Variants in FAM53A observed in about 807,000 individuals in gnomAD.
FAM53A encodes the protein family with sequence similarity 53 member A, also known as protein FAM53A.
Under a neutral mutation model 26.6 loss-of-function variants are expected in FAM53A, and 28 were observed. The ratio of observed to expected loss-of-function variants is 1.05; its 90% CI spans 0.78 to 1.45. The LOEUF is 1.45. Among genes scored for constraint, FAM53A ranks in the 40% most tolerant of loss-of-function variants. The pLI is 0.00. For synonymous variants in FAM53A, 290 were observed against 253.1 expected (o/e 1.15, Z -1.38); for missense variants, 650 against 575.8 (o/e 1.13, Z -1.32).
In FAM53A at chr4:1,652,234, GCA is replaced by G. The variant is rs1712897594; in HGVS notation, c.882+2742_882+2743del. Among the ~76,000 whole-genome samples, 4 of 75,628 alleles carry G rather than the reference GCA, an allele frequency of 5.3e-5. No homozygotes were observed. The South Asian group carries it at 1.4e-3, about 27-fold the overall frequency. 49.6% of individuals were successfully genotyped at this position (75,628 alleles called of 152,430 possible). ...GCCACACACACCACACACACTAGTC[GCA>G]CACACACCACACACACCACACGCCA... On this transcript the variant is annotated intron_variant, in intron 4 of 4. Transcript: ENST00000308132.
chr4:1,660,161 T>C (rs970721694), intron 2 of FAM53A, among the ~76,000 whole-genome samples: 1 of 152,048 alleles, frequency 6.6e-6, no homozygotes, highest in Non-Finnish European at 1.5e-5. Flanking sequence ...TGGGTGCCTG[T>C]AATCCCAGCT....
chr4:1,621,979 T>C (rs1715058228), intron 1 of FAM53A, among the ~76,000 whole-genome samples: 1 of 152,200 alleles, frequency 6.6e-6, no homozygotes, highest in African/African-American at 2.4e-5. Flanking sequence ...TCGATGCTGC[T>C]GTCTTGGGAA....
At chr4:1,670,208 A>C (rs1290179358) in intron 1 of FAM53A, among the ~76,000 whole-genome samples, 11 of 152,396 alleles carry the variant, frequency 7.2e-5, no homozygotes, top group East Asian at 1.9e-4. Context: ...ACTTCTGCCA[A>C]TGCTGGAAAG....
Position 1,630,457 on chromosome 4 carries a change from G to A in FAM53A, c.432-12346C>T, listed in dbSNP as rs1001438588. Among the ~76,000 whole-genome samples, 2 of 152,240 alleles carry A rather than the reference G, an allele frequency of 1.3e-5. No homozygotes were observed. Among genetic ancestry groups the A allele is most frequent in the Non-Finnish European group, 2.9e-5 (2 of 68,046 alleles). ...GTCTGTATGTGGCCAGTGGGCCGCG[G>A]TTTGCCGACCCCCAACTCATGGATC... On this transcript the variant is annotated intron_variant, in intron 1 of 1. Coordinates refer to the FAM53A transcript ENST00000489029. This position sits in a 1 kb window ranked among gnomAD's most constrained non-coding sequence, Gnocchi z 4.3.
chr4:1,598,297 T>C, the FAM53A span, among the ~76,000 whole-genome samples: 1 of 152,192 alleles, frequency 6.6e-6, no homozygotes, highest in Non-Finnish European at 1.5e-5. Flanking sequence ...CGCAGCTGCA[T>C]GGAGTGTGCG....
intron 1 of FAM53A, among the ~76,000 whole-genome samples, chr4:1,621,101 C>CTTTTGTTTTT (rs1715010662): frequency 1.0e-5 from 1 of 95,488 alleles, no homozygotes; most frequent in Non-Finnish European, 2.0e-5. Context: ...AGCTACGCTA[C>CTTTTGTTTTT]TTTTTTTTTT....
intron 1 of FAM53A, among the ~76,000 whole-genome samples, chr4:1,622,971 A>G (rs938319855): frequency 6.6e-6 from 1 of 152,250 alleles, no homozygotes; most frequent in Non-Finnish European, 1.5e-5. Context: ...CCTAAACCAC[A>G]GATGGAGGCA....
chr4:1,599,567 A>T, the FAM53A span, among the ~76,000 whole-genome samples: 1 of 152,154 alleles, frequency 6.6e-6, no homozygotes, highest in South Asian at 2.1e-4. This position sits in a 1 kb window ranked among gnomAD's most constrained non-coding sequence, Gnocchi z 6.1. Context: ...CAAATAGCAC[A>T]ATTTTCAAGG....
At chr4:1,656,371 G>A (rs1295574600) in intron 3 of FAM53A, among the ~76,000 whole-genome samples, 1 of 152,106 alleles carries the variant, frequency 6.6e-6, no homozygotes, top group East Asian at 1.9e-4. Context: ...CAGGTGCATG[G>A]GCCTGGCATG....
intron 2 of FAM53A, among the ~76,000 whole-genome samples, chr4:1,668,324 G>C (rs1230466081): frequency 6.6e-6 from 1 of 152,156 alleles, no homozygotes; most frequent in Non-Finnish European, 1.5e-5. Context: ...ATTTTTAGTA[G>C]AGACGGGGTT....
At chr4:1,637,174 G>A (rs1174116607), downstream of FAM53A, among the ~76,000 whole-genome samples, 7 of 151,844 alleles carry the variant, frequency 4.6e-5, no homozygotes, top group Admixed American at 4.6e-4. Flanking sequence ...CCATGCCTCC[G>A]GCACCCATGC....
At chr4:1,605,423 C>T in the FAM53A span, among the ~76,000 whole-genome samples, 1 of 152,172 alleles carries the variant, frequency 6.6e-6, no homozygotes, top group Non-Finnish European at 1.5e-5. The surrounding 1 kb of genome is among the most constrained non-coding windows in gnomAD (Gnocchi z 5.7). Flanking sequence ...ATTCCGCCCC[C>T]ACCAAAGGAC....
the FAM53A span, among the ~76,000 whole-genome samples, chr4:1,575,181 A>G: frequency 1.3e-5 from 2 of 152,154 alleles, no homozygotes; most frequent in African/African-American, 4.8e-5. Context: ...ACTGCATGGG[A>G]CATACCCAGC....
chr4:1,603,893 G>A, the FAM53A span, among the ~76,000 whole-genome samples: 1 of 152,236 alleles, frequency 6.6e-6, no homozygotes, highest in Non-Finnish European at 1.5e-5. Flanking sequence ...CTGCAGGCCT[G>A]ACATTGGCCG....
the FAM53A span, among the ~76,000 whole-genome samples, chr4:1,575,793 G>A: frequency 2.9e-4 from 44 of 152,256 alleles, no homozygotes; most frequent in Non-Finnish European, 5.3e-4. Context: ...CCCCAGCATG[G>A]GTTGGGAGAG....
At chr4:1,593,499 G>A in the FAM53A span, among the ~76,000 whole-genome samples, 1 of 152,200 alleles carries the variant, frequency 6.6e-6, no homozygotes, top group South Asian at 2.1e-4. Flanking sequence ...AAGTGGGCTT[G>A]TAAGTATCCA....
the FAM53A span, among the ~76,000 whole-genome samples, chr4:1,596,978 C>T: frequency 6.6e-6 from 1 of 152,148 alleles, no homozygotes; most frequent in East Asian, 1.9e-4. Flanking sequence ...TCCGCACCCT[C>T]CTCGGGGCCT....
the FAM53A span, among the ~76,000 whole-genome samples, chr4:1,598,176 G>A: frequency 5.3e-5 from 8 of 152,240 alleles, no homozygotes; most frequent in Admixed American, 3.3e-4. Context: ...CCCCTTCTCC[G>A]GCTGTGGGGA....
chr4:1,635,618 T>C (rs906537761), downstream of FAM53A, among the ~76,000 whole-genome samples: 2 of 152,070 alleles, frequency 1.3e-5, no homozygotes, highest in African/African-American at 2.4e-5. Context: ...CTGAGGACTG[T>C]AAATTCCCTT....
Sources: gnomAD v4.1 joint callset for allele counts (sites outside exome capture counted in the v4.1 genomes callset) on GRCh38, gnomAD v4.1.1 for gene constraint, Gnocchi (gnomAD v3.1) non-coding constraint, MANE v1.5 for transcripts, NCBI Gene and HGNC (gene_info 2026-07-23, HGNC 2026-07-21) for gene names.